COL13A1: variants seen among roughly 807,000 people sequenced by gnomAD.
COL13A1 encodes collagen type XIII alpha 1 chain.
In COL13A1, 89 loss-of-function variants were observed where a neutral mutation model predicts 130.9. That is an observed-to-expected ratio of 0.68 (90% CI 0.57 to 0.81). The LOEUF (loss-of-function observed/expected upper bound fraction) is 0.81, where lower values mean the gene tolerates loss of function less well. COL13A1 is among the 30% of genes least tolerant of loss of function. The pLI is 0.00. For synonymous variants in COL13A1, 402 were observed against 341.6 expected (o/e 1.18, Z -1.95); for missense variants, 879 against 934.6 (o/e 0.94, Z 0.78).
intron 2 of COL13A1, chr10:69,860,757 C>A: frequency 4.0e-6 from 1 of 251,330 alleles, no homozygotes. Flanking sequence ...GCTGCTATCC[C>A]CCATTCCAAG....
intron 1 of COL13A1, among the ~76,000 whole-genome samples, chr10:69,818,685 A>T (rs180865122): frequency 6.6e-6 from 1 of 152,324 alleles, no homozygotes. Flanking sequence ...AGGGCCAAGA[A>T]CCAGTTGTGG....
At chr10:69,931,101 G>A in intron 30 of COL13A1, 1 of 452,324 alleles carries the variant, frequency 2.2e-6, no homozygotes, top group South Asian at 1.6e-5. Flanking sequence ...GGCCACAGTT[G>A]GTCACACTCA....
chr10:69,905,110 C>T (rs370729082), intron 16 of COL13A1, among the ~76,000 whole-genome samples, 151 bp downstream of exon 16: 13 of 152,142 alleles, frequency 8.5e-5, no homozygotes, highest in African/African-American at 2.9e-4. Flanking sequence ...AAACACCACC[C>T]TTCTCAGGAA....
intron 2 of COL13A1, among the ~76,000 whole-genome samples, chr10:69,828,068 G>A (rs959558655): frequency 2.0e-5 from 3 of 152,124 alleles, no homozygotes; most frequent in Non-Finnish European, 4.4e-5. Context: ...ACTGTTTCAG[G>A]TAGCTCCAAA....
At chr10:69,849,700 C>T (rs1316274259) in intron 2 of COL13A1, among the ~76,000 whole-genome samples, 1 of 152,172 alleles carries the variant, frequency 6.6e-6, no homozygotes, top group Non-Finnish European at 1.5e-5. Context: ...CTGCCTCGAC[C>T]TGTGCCCAGC....
intron 7 of COL13A1, among the ~76,000 whole-genome samples, chr10:69,883,993 A>T (rs1033317637): frequency 6.6e-6 from 1 of 152,224 alleles, no homozygotes; most frequent in Non-Finnish European, 1.5e-5. Context: ...ATGATAAAAA[A>T]TAAGGATTGA....
chr10:69,877,205 C>G (rs922202903), intron 5 of COL13A1: 3 of 152,240 alleles, frequency 2.0e-5, no homozygotes, highest in African/African-American at 7.2e-5. Context: ...TGGGTCATCC[C>G]TGGGGTTGAC....
At chr10:69,932,108 G>A (rs1370494727) in intron 30 of COL13A1, among the ~76,000 whole-genome samples, 1 of 152,100 alleles carries the variant, frequency 6.6e-6, no homozygotes, top group Admixed American at 6.5e-5. Flanking sequence ...CAAGGACAAG[G>A]CCAGCAGTAG....
intron 10 of COL13A1, among the ~76,000 whole-genome samples, chr10:69,892,334 C>T (rs1376032981): frequency 6.6e-6 from 1 of 152,196 alleles, no homozygotes; most frequent in Non-Finnish European, 1.5e-5. Context: ...CATTGTTTAA[C>T]CTGTGTCCTC....
chr10:69,892,740 G>T (rs1378412367), intron 10 of COL13A1, among the ~76,000 whole-genome samples: 1 of 152,230 alleles, frequency 6.6e-6, no homozygotes. Context: ...ACCATGTGTT[G>T]TTGGACCTCG....
chr10:69,899,067 G>T (rs777436342), intron 14 of COL13A1, among the ~76,000 whole-genome samples: 1 of 152,208 alleles, frequency 6.6e-6, no homozygotes, highest in Non-Finnish European at 1.5e-5. Context: ...TATGAATTAG[G>T]CATGATCATC....
At chr10:69,858,177 C>G (rs1057101389) in intron 2 of COL13A1, among the ~76,000 whole-genome samples, 5 of 147,886 alleles carry the variant, frequency 3.4e-5, no homozygotes, top group African/African-American at 1.2e-4. Context: ...ATTAGCCATT[C>G]TTCTGGTTAG....
At chr10:69,863,130 G>A (rs937875770) in intron 2 of COL13A1, among the ~76,000 whole-genome samples, 6 of 152,134 alleles carry the variant, frequency 3.9e-5, no homozygotes, top group East Asian at 1.9e-4. Context: ...TCCTTAGCAC[G>A]ATTCACACGT....
In COL13A1 at chr10:69,894,507, T is replaced by C. The variant is rs781029274; in HGVS notation, c.604-45T>C. 4 of 1,611,924 alleles carry C rather than the reference T, an allele frequency of 2.5e-6. No homozygotes were observed. In the South Asian group the frequency reaches 4.4e-5, roughly 18 times the overall value. On this transcript the variant is annotated intron_variant, in intron 10 of 40. Coordinates refer to ENST00000645393, the MANE Select transcript of COL13A1 (RefSeq NM_001368882.1). Reference sequence around the variant, plus strand: ...ACCCAGGCAGGTGTCCCTGATTGCCTGTCTTCTGTCTGCCCACTGACCTGT... The same window carrying C: ...ACCCAGGCAGGTGTCCCTGATTGCCCGTCTTCTGTCTGCCCACTGACCTGT...
In COL13A1 at chr10:69,958,836, A is replaced by AT. The variant is rs2071313249; in HGVS notation, c.*139dup. On this transcript the variant is annotated 3_prime_UTR_variant, in exon 41 of 41. Coordinates refer to ENST00000645393, the MANE Select transcript of COL13A1 (RefSeq NM_001368882.1). The stretch of plus-strand genomic sequence containing the variant: ...TTAAAAAAGAAAGAAAAACCTGCAT[A>AT]TTTTGTACAGAAAATATCAACCTCT... The AT allele has an allele frequency of 3.3e-6, 4 of 1,224,158 alleles. No individual in the cohort carries two copies. The highest frequency in any genetic ancestry group is 4.9e-5 in the Admixed American group (2 of 40,654). 75.8% of individuals were successfully genotyped at this position (1,224,158 alleles called of 1,614,324 possible). A position where few individuals can be genotyped will look rare whatever the true frequency, so the allele number is the denominator to read the frequency against.
At chr10:69,915,367 T>C (rs1335153797) in intron 17 of COL13A1, among the ~76,000 whole-genome samples, 1 of 152,182 alleles carries the variant, frequency 6.6e-6, no homozygotes, top group Non-Finnish European at 1.5e-5. Flanking sequence ...TGAATTTAGC[T>C]CTGCCATCCC....
At chr10:69,932,676 T>G in intron 31 of COL13A1, 72 bp downstream of exon 31, 1 of 1,057,002 alleles carries the variant, frequency 9.5e-7, no homozygotes, top group Non-Finnish European at 1.5e-6. Flanking sequence ...TTTCTGTGCT[T>G]TAGAATGAAG....
At chr10:69,814,681 A>T (rs1843983520) in intron 1 of COL13A1, among the ~76,000 whole-genome samples, 1 of 152,248 alleles carries the variant, frequency 6.6e-6, no homozygotes, top group Non-Finnish European at 1.5e-5. Flanking sequence ...CACAGTTAGT[A>T]GGAGAGTTGG....
intron 10 of COL13A1, among the ~76,000 whole-genome samples, chr10:69,893,469 TG>T (rs1373749847): frequency 6.6e-6 from 1 of 152,234 alleles, no homozygotes; most frequent in African/African-American, 2.4e-5. Context: ...TTTCCCAGTT[TG>T]GAGGTGGCCC....
Sources: gnomAD v4.1 joint callset for allele counts (sites outside exome capture counted in the v4.1 genomes callset) on GRCh38, gnomAD v4.1.1 for gene constraint, MANE v1.5 for transcripts, NCBI Gene and HGNC (gene_info 2026-07-23, HGNC 2026-07-21) for gene names.